The following TINAG variants were observed in gnomAD, a reference collection of about 807,000 sequenced individuals.
TINAG encodes tubulointerstitial nephritis antigen.
TINAG carries 83 observed loss-of-function variants against 72.7 expected under a neutral mutation model. The ratio of observed to expected loss-of-function variants is 1.14; its 90% CI spans 0.96 to 1.37. The LOEUF (loss-of-function observed/expected upper bound fraction) is 1.37. TINAG is among the 40% of genes most tolerant of loss of function. TINAG has a pLI of 0.00. For synonymous variants in TINAG, 234 were observed against 189.9 expected, an observed-to-expected ratio of 1.23 and a Z score of -1.91; for missense variants, 685 against 576.6, an observed-to-expected ratio of 1.19 and a Z score of -1.93.
At chr6:54,351,473 G>A in intron 8 of TINAG, 76 bp downstream of exon 8, 2 of 1,374,088 alleles carry the variant, frequency 1.5e-6, no homozygotes, top group South Asian at 1.3e-5. Context: ...CATGTAATAG[G>A]AGTTTAATAA....
intron 4 of TINAG, among the ~76,000 whole-genome samples, chr6:54,335,792 T>C (rs1316730900): frequency 3.9e-5 from 6 of 152,176 alleles, no homozygotes; most frequent in South Asian, 2.1e-4. Flanking sequence ...CTCACCGCCC[T>C]GCAAACACAC....
intron 9 of TINAG, among the ~76,000 whole-genome samples, chr6:54,377,357 C>T (rs1763811909): frequency 6.6e-6 from 1 of 151,816 alleles, no homozygotes; most frequent in Admixed American, 6.6e-5. Context: ...ACTAAAAATC[C>T]CCAAATCAGC....
chr6:54,354,958 G>A (rs74703325), intron 9 of TINAG, among the ~76,000 whole-genome samples: 2,489 of 151,894 alleles, frequency 0.016, 63 homozygotes, highest in African/African-American at 0.054. Context: ...AATCCAAGGC[G>A]TATTATGGTT....
chr6:54,315,904 C>T (rs1266686402), intron 1 of TINAG, among the ~76,000 whole-genome samples: 1 of 152,040 alleles, frequency 6.6e-6, no homozygotes, highest in Admixed American at 6.6e-5. Flanking sequence ...TGTTTGAATT[C>T]GAAGAGGGTT....
intron 4 of TINAG, among the ~76,000 whole-genome samples, chr6:54,340,918 T>C (rs1784982228): frequency 6.6e-6 from 1 of 152,188 alleles, no homozygotes; most frequent in South Asian, 2.1e-4. Context: ...TTTTACTTGA[T>C]AGATACGTAT....
At chr6:54,347,571 T>C (rs544475267) in intron 6 of TINAG, 54 bp downstream of exon 6, 4 of 1,567,632 alleles carry the variant, frequency 2.6e-6, no homozygotes, top group African/African-American at 1.4e-5. Context: ...ATGCATTGTG[T>C]TAGAACAAGG....
chr6:54,335,969 C>T (rs1001777477), intron 4 of TINAG, among the ~76,000 whole-genome samples: 3 of 151,996 alleles, frequency 2.0e-5, no homozygotes, highest in East Asian at 1.9e-4. Context: ...AGTTTAGATT[C>T]GGGAAATTAT....
At chr6:54,333,228 T>C (rs999699561) in intron 4 of TINAG, among the ~76,000 whole-genome samples, 5 of 152,054 alleles carry the variant, frequency 3.3e-5, no homozygotes, top group African/African-American at 4.8e-5. Context: ...CAAATGCCCA[T>C]CAATAATGGA....
intron 10 of TINAG, among the ~76,000 whole-genome samples, chr6:54,384,448 T>C (rs1183256422): frequency 6.6e-6 from 1 of 152,004 alleles, no homozygotes; most frequent in African/African-American, 2.4e-5. Context: ...AAATAGAAAT[T>C]TAAAAAGTCA....
rs554093085 is a variant in TINAG at position 54,375,877 on chromosome 6, C to T, written c.1251-4649C>T. On this transcript the variant is annotated intron_variant, in intron 9 of 10. Transcript: ENST00000259782. Reference sequence around the variant, plus strand: ...CAGAGCTGTCTTTCTAAAAGATAATCCGGATCATGTCACATTCCATATTCA... The same window carrying T: ...CAGAGCTGTCTTTCTAAAAGATAATTCGGATCATGTCACATTCCATATTCA... Among the ~76,000 whole-genome samples the T allele has an allele frequency of 5.5e-4, 84 of 152,236 alleles. 3 individuals carry two copies. The South Asian group carries it at 0.016, about 29-fold the overall frequency.
intron 4 of TINAG, among the ~76,000 whole-genome samples, chr6:54,337,441 A>T (rs182574730): frequency 6.6e-6 from 1 of 151,940 alleles, no homozygotes; most frequent in Non-Finnish European, 1.5e-5. Flanking sequence ...TTTAGTAGAG[A>T]CAGGGTTTTG....
intron 1 of TINAG, among the ~76,000 whole-genome samples, chr6:54,316,773 T>G (rs1289187990): frequency 7.9e-5 from 12 of 152,220 alleles, no homozygotes; most frequent in Admixed American, 7.9e-4. Flanking sequence ...CTTTTTGCAG[T>G]TCAAGAAGTG....
intron 9 of TINAG, among the ~76,000 whole-genome samples, chr6:54,371,997 T>TTTTTTTTTG (rs1763630038): frequency 1.4e-5 from 2 of 142,176 alleles, no homozygotes; most frequent in African/African-American, 5.2e-5. Flanking sequence ...TTTTTTTTTT[T>TTTTTTTTTG]TTTTTTTTTT....
At chr6:54,333,616 T>C (rs2150947158) in intron 4 of TINAG, among the ~76,000 whole-genome samples, 1 of 138,176 alleles carries the variant, frequency 7.2e-6, no homozygotes, top group East Asian at 2.4e-4. Flanking sequence ...TGAAGTATAA[T>C]AAAAAAAAAA....
chr6:54,314,234 G>C (rs1200489908), intron 1 of TINAG, among the ~76,000 whole-genome samples: 3 of 152,134 alleles, frequency 2.0e-5, no homozygotes, highest in African/African-American at 7.2e-5. Context: ...TATTTTGCCT[G>C]GATTCACTTT....
In TINAG at chr6:54,389,683, C is replaced by G. The variant is rs926637286; in HGVS notation, c.1297-108C>G. Reference sequence around the variant, plus strand: ...TAGGTAAGTTCTTGATAATTATAGTCTATGATAAATCAAAGGCATTTAAAG... The same window carrying G: ...TAGGTAAGTTCTTGATAATTATAGTGTATGATAAATCAAAGGCATTTAAAG... On this transcript the variant is annotated intron_variant, in intron 10 of 10. Transcript: ENST00000259782. 5.3e-6 allele frequency: 7 copies of G among 1,324,780 alleles called. No individual in the cohort carries two copies. The African/African-American group carries it at 8.9e-5, about 17-fold the overall frequency. 82.1% of individuals were successfully genotyped at this position (1,324,780 alleles called of 1,614,324 possible). A position where few individuals can be genotyped will look rare whatever the true frequency, so the allele number is the denominator to read the frequency against.
intron 9 of TINAG, among the ~76,000 whole-genome samples, chr6:54,361,475 AC>A (rs140013995): frequency 0.16 from 23,902 of 151,584 alleles, 2,023 homozygotes; most frequent in Non-Finnish European, 0.18. Context: ...AGTGCTACAC[AC>A]TTTTTAAACA....
chr6:54,378,284 T>A (rs1048395618), intron 9 of TINAG, among the ~76,000 whole-genome samples: 4 of 152,222 alleles, frequency 2.6e-5, no homozygotes, highest in African/African-American at 9.6e-5. Context: ...TCAGTTGCCA[T>A]ACTTTCCTTT....
At chr6:54,313,509 C>A (rs964668167) in intron 1 of TINAG, among the ~76,000 whole-genome samples, 1 of 152,094 alleles carries the variant, frequency 6.6e-6, no homozygotes, top group African/African-American at 2.4e-5. Flanking sequence ...TACTATGGAG[C>A]CAACAACTGT....
Sources: gnomAD v4.1 joint callset for allele counts (sites outside exome capture counted in the v4.1 genomes callset) on GRCh38, gnomAD v4.1.1 for gene constraint, MANE v1.5 for transcripts, NCBI Gene and HGNC (gene_info 2026-07-23, HGNC 2026-07-21) for gene names.